AGBL1: variants seen among roughly 807,000 people sequenced by gnomAD.
The protein encoded by AGBL1 is AGBL carboxypeptidase 1, also known as cytosolic carboxypeptidase 4.
In AGBL1, 130 loss-of-function variants were observed where a neutral mutation model predicts 118.9. The observed-to-expected ratio is 1.09, with a 90% CI of 0.95 to 1.26. The LOEUF is 1.26. Among genes scored for constraint, AGBL1 ranks in the 50% most tolerant of loss-of-function variants. The probability of loss-of-function intolerance (pLI) is 0.00; values close to 1 mark genes in which losing one functional copy is unlikely to be tolerated. For synonymous variants in AGBL1, 555 were observed against 478.9 expected (o/e 1.16, Z -2.08); for missense variants, 1,584 against 1,298.1 (o/e 1.22, Z -3.38).
intron 22 of AGBL1, among the ~76,000 whole-genome samples, chr15:86,876,169 A>G (rs560718762): frequency 1.3e-5 from 2 of 152,296 alleles, no homozygotes; most frequent in East Asian, 1.9e-4. Context: ...GCCATCCTGT[A>G]TACCAAGGAC....
At chr15:86,773,866 T>C (rs1297899794) in intron 22 of AGBL1, among the ~76,000 whole-genome samples, 1 of 151,940 alleles carries the variant, frequency 6.6e-6, no homozygotes, top group African/African-American at 2.4e-5. Context: ...CAGAATGAAA[T>C]ATACCAGCTC....
intron 18 of AGBL1, among the ~76,000 whole-genome samples, chr15:86,420,428 CAA>C (rs1396769774): frequency 6.6e-6 from 1 of 152,168 alleles, no homozygotes; most frequent in Non-Finnish European, 1.5e-5. Context: ...TCAAAATCAA[CAA>C]AGAGAACATC....
intron 19 of AGBL1, among the ~76,000 whole-genome samples, chr15:86,538,809 G>A (rs2083457806): frequency 6.6e-6 from 1 of 152,224 alleles, no homozygotes. Flanking sequence ...GAATAGGTGA[G>A]CCCTGGGGAA....
chr15:86,503,279 G>A (rs1013137210), intron 18 of AGBL1, among the ~76,000 whole-genome samples: 4 of 151,304 alleles, frequency 2.6e-5, no homozygotes, highest in African/African-American at 9.7e-5. Flanking sequence ...AAGGTCATTA[G>A]TAATGTTCCC....
intron 18 of AGBL1, among the ~76,000 whole-genome samples, chr15:86,498,510 C>T (rs1347969168): frequency 6.6e-6 from 1 of 151,904 alleles, no homozygotes; most frequent in Non-Finnish European, 1.5e-5. Context: ...ATATTTTTCT[C>T]CCAGATTTGT....
At chr15:86,988,867 C>G (rs1017313980) in intron 24 of AGBL1, among the ~76,000 whole-genome samples, 6 of 152,068 alleles carry the variant, frequency 3.9e-5, no homozygotes, top group African/African-American at 1.4e-4. Context: ...ACAGGGTTTT[C>G]TGTCCCATTT....
intron 19 of AGBL1, among the ~76,000 whole-genome samples, chr15:86,542,769 G>C (rs747652642): frequency 3.3e-5 from 5 of 152,106 alleles, no homozygotes; most frequent in Admixed American, 6.6e-5. Context: ...ATCAACCATC[G>C]TATCTCGCTT....
chr15:86,980,853 CT>C (rs1438661415), intron 23 of AGBL1, among the ~76,000 whole-genome samples: 1 of 148,802 alleles, frequency 6.7e-6, no homozygotes, highest in African/African-American at 2.5e-5. Flanking sequence ...TATCTACTGT[CT>C]ACTAAATATA....
At chr15:86,650,659 G>T (rs1234403913) in intron 21 of AGBL1, among the ~76,000 whole-genome samples, 1 of 152,114 alleles carries the variant, frequency 6.6e-6, no homozygotes, top group African/African-American at 2.4e-5. Context: ...AAAAAACCCT[G>T]AATTTAAAAA....
intron 22 of AGBL1, among the ~76,000 whole-genome samples, chr15:86,870,486 A>AAAAAAAAAAAAAAAAAAAAAAAAAAC (rs2079709756): frequency 8.0e-6 from 1 of 124,600 alleles, no homozygotes; most frequent in African/African-American, 2.8e-5. Context: ...AAAAAAAAAA[A>AAAAAAAAAAAAAAAAAAAAAAAAAAC]AAAAAAAAAA....
At chr15:86,156,188 T>C (rs968647153) in intron 4 of AGBL1, among the ~76,000 whole-genome samples, 2 of 152,220 alleles carry the variant, frequency 1.3e-5, no homozygotes, top group Non-Finnish European at 2.9e-5. Flanking sequence ...CCCAAATTAC[T>C]GGAATTACAG....
intron 5 of AGBL1, among the ~76,000 whole-genome samples, chr15:86,162,305 G>C (rs1253734215): frequency 6.6e-6 from 1 of 152,152 alleles, no homozygotes; most frequent in Non-Finnish European, 1.5e-5. Flanking sequence ...TGTAGGAGCA[G>C]ATGCCCAGTG....
chr15:86,756,066 C>T (rs917705803), intron 22 of AGBL1, among the ~76,000 whole-genome samples: 1 of 152,070 alleles, frequency 6.6e-6, no homozygotes, highest in Non-Finnish European at 1.5e-5. Context: ...GCAAATTCCC[C>T]AAGGGGCATG....
At chr15:86,893,954 T>C (rs970145939) in intron 22 of AGBL1, among the ~76,000 whole-genome samples, 1 of 152,206 alleles carries the variant, frequency 6.6e-6, no homozygotes, top group African/African-American at 2.4e-5. Context: ...AATTCCTGTT[T>C]CTCACTTGGT....
At chr15:86,225,845 C>A (rs142871173) in intron 6 of AGBL1, among the ~76,000 whole-genome samples, 1 of 152,150 alleles carries the variant, frequency 6.6e-6, no homozygotes, top group Non-Finnish European at 1.5e-5. Flanking sequence ...CTCTCTCCCC[C>A]CATCCATACA....
intron 21 of AGBL1, among the ~76,000 whole-genome samples, chr15:86,563,732 G>T (rs918229564): frequency 1.3e-5 from 2 of 152,138 alleles, no homozygotes; most frequent in Non-Finnish European, 2.9e-5. Flanking sequence ...ACAGTGGGGT[G>T]TTAAAGTCTC....
intron 17 of AGBL1, among the ~76,000 whole-genome samples, chr15:86,380,448 G>A (rs1257332132): frequency 1.3e-5 from 2 of 149,388 alleles, no homozygotes; most frequent in Non-Finnish European, 3.0e-5. Flanking sequence ...CCTGAGCCCG[G>A]CCCTTTCCTT....
At chr15:86,363,302 A>C (rs114739131) in intron 17 of AGBL1, among the ~76,000 whole-genome samples, 1,987 of 152,276 alleles carry the variant, frequency 0.013, 44 homozygotes, top group African/African-American at 0.045. Flanking sequence ...TCATTTAGAC[A>C]TACTACTCTT....
At chr15:86,774,077 A>G (rs369070306) in intron 22 of AGBL1, among the ~76,000 whole-genome samples, 2 of 152,094 alleles carry the variant, frequency 1.3e-5, no homozygotes, top group Admixed American at 6.6e-5. Context: ...GCCTAGCAAC[A>G]GTAACCAAGA....
Sources: gnomAD v4.1 joint callset for allele counts (sites outside exome capture counted in the v4.1 genomes callset) on GRCh38, gnomAD v4.1.1 for gene constraint, MANE v1.5 for transcripts, NCBI Gene and HGNC (gene_info 2026-07-23, HGNC 2026-07-21) for gene names.